BMPR1B: variants seen among roughly 807,000 people sequenced by gnomAD.
The protein encoded by BMPR1B is bone morphogenetic protein receptor type-1B.
A neutral mutation model predicts 59.1 loss-of-function variants in BMPR1B; 12 were observed. The observed-to-expected ratio is 0.20, with a 90% CI of 0.13 to 0.33. The LOEUF (loss-of-function observed/expected upper bound fraction) is 0.33, where lower values mean the gene tolerates loss of function less well. Ranked by LOEUF, BMPR1B falls within the 10% of genes least tolerant of loss-of-function variation. BMPR1B has a pLI of 1.00. For synonymous variants in BMPR1B, 237 were observed against 207.3 expected (o/e 1.14, Z -1.23); for missense variants, 550 against 610.9 (o/e 0.90, Z 1.05).
intron 1 of BMPR1B, among the ~76,000 whole-genome samples, chr4:94,776,444 A>G (rs1057036789): frequency 2.0e-5 from 3 of 152,226 alleles, no homozygotes; most frequent in African/African-American, 7.2e-5. Context: ...GATTAATTCT[A>G]AGTTAATTTT....
chr4:95,002,612 A>G (rs936278094), intron 3 of BMPR1B, among the ~76,000 whole-genome samples: 1 of 152,212 alleles, frequency 6.6e-6, no homozygotes, highest in Non-Finnish European at 1.5e-5. Context: ...AAGCAATGAA[A>G]GAATTTTTGA....
intron 1 of BMPR1B, among the ~76,000 whole-genome samples, chr4:94,838,930 A>T (rs1375277368): frequency 2.1e-5 from 3 of 139,850 alleles, no homozygotes; most frequent in Non-Finnish European, 4.7e-5. Context: ...CACTGCTTTG[A>T]ATGCGTCCCA....
chr4:95,033,762 C>T (rs368815252), intron 3 of BMPR1B, among the ~76,000 whole-genome samples: 32 of 151,944 alleles, frequency 2.1e-4, no homozygotes, highest in African/African-American at 7.3e-4. Context: ...AAGATACCTG[C>T]AATGTTTTGT....
intron 2 of BMPR1B, among the ~76,000 whole-genome samples, chr4:94,938,491 T>A (rs1450850420): frequency 2.0e-5 from 3 of 151,426 alleles, no homozygotes; most frequent in African/African-American, 7.3e-5. Flanking sequence ...CGAGACTGTG[T>A]CTAAAAAAAA....
At chr4:95,086,722 C>T (rs937959443) in intron 3 of BMPR1B, among the ~76,000 whole-genome samples, 1 of 152,110 alleles carries the variant, frequency 6.6e-6, no homozygotes, top group African/African-American at 2.4e-5. Context: ...GTGTAATATT[C>T]CTTCAGGGAG....
intron 3 of BMPR1B, among the ~76,000 whole-genome samples, chr4:95,003,998 G>C (rs1045656865): frequency 6.6e-6 from 1 of 151,542 alleles, no homozygotes; most frequent in African/African-American, 2.4e-5. Context: ...AGTAGAGATA[G>C]GGTTTCACTA....
At chr4:95,082,577 T>C (rs1286420417) in intron 3 of BMPR1B, among the ~76,000 whole-genome samples, 1 of 152,076 alleles carries the variant, frequency 6.6e-6, no homozygotes, top group Non-Finnish European at 1.5e-5. Context: ...CTCCATAAAG[T>C]GTAAGTATTG....
At chr4:95,037,976 G>A (rs1479393094) in intron 3 of BMPR1B, among the ~76,000 whole-genome samples, 24 of 152,118 alleles carry the variant, frequency 1.6e-4, no homozygotes, top group Admixed American at 1.6e-3. Context: ...AGCAAATTAT[G>A]TAGTAGTTAG....
chr4:95,149,097 A>G (rs960843580), intron 11 of BMPR1B, among the ~76,000 whole-genome samples, 174 bp downstream of exon 11: 10 of 152,336 alleles, frequency 6.6e-5, no homozygotes, highest in Middle Eastern at 6.8e-3. Context: ...ATCCTAGAAT[A>G]ATCTTTGACT....
At chr4:95,111,454 C>T (rs894023574) in intron 4 of BMPR1B, among the ~76,000 whole-genome samples, 1 of 152,032 alleles carries the variant, frequency 6.6e-6, no homozygotes, top group African/African-American at 2.4e-5. Context: ...AATAAAGATG[C>T]TATCAGTGCA....
At chr4:95,095,700 T>C (rs551528761) in intron 3 of BMPR1B, among the ~76,000 whole-genome samples, 102 of 152,214 alleles carry the variant, frequency 6.7e-4, no homozygotes, top group African/African-American at 2.0e-3. Flanking sequence ...CACTTTTTAA[T>C]GAATTTTAAA....
chr4:94,823,320 G>A (rs1183777239), intron 1 of BMPR1B, among the ~76,000 whole-genome samples: 1 of 152,208 alleles, frequency 6.6e-6, no homozygotes, highest in Non-Finnish European at 1.5e-5. Context: ...TGAGGGGTCA[G>A]TGGGAGAACG....
At chr4:95,040,038 C>T (rs1444248731) in intron 3 of BMPR1B, among the ~76,000 whole-genome samples, 1 of 152,160 alleles carries the variant, frequency 6.6e-6, no homozygotes, top group Non-Finnish European at 1.5e-5. Context: ...TTAGTAACAG[C>T]TAAGTCTACT....
chr4:94,803,500 AT>A (rs1268470118), intron 1 of BMPR1B, among the ~76,000 whole-genome samples: 2 of 152,154 alleles, frequency 1.3e-5, no homozygotes, highest in African/African-American at 4.8e-5. Context: ...GTGTCTACTT[AT>A]GTTTCTTTCC....
At chr4:94,789,115 A>G (rs781381917) in intron 1 of BMPR1B, among the ~76,000 whole-genome samples, 2 of 152,198 alleles carry the variant, frequency 1.3e-5, no homozygotes, top group Admixed American at 6.5e-5. Context: ...TGGAAGTAAG[A>G]GGAGGTTAAC....
intron 1 of BMPR1B, among the ~76,000 whole-genome samples, chr4:94,812,710 C>T (rs191237494): frequency 2.8e-4 from 43 of 152,028 alleles, no homozygotes; most frequent in African/African-American, 8.7e-4. Context: ...AGGGGGAGCA[C>T]GGAATGGACA....
At chr4:94,771,926 TAC>T (rs1367278064) in intron 1 of BMPR1B, among the ~76,000 whole-genome samples, 1 of 152,196 alleles carries the variant, frequency 6.6e-6, no homozygotes, top group African/African-American at 2.4e-5. Flanking sequence ...CACTGTGACA[TAC>T]ACTCATTGTA....
chr4:95,068,217 A>G (rs1478576642), intron 3 of BMPR1B, among the ~76,000 whole-genome samples: 1 of 152,064 alleles, frequency 6.6e-6, no homozygotes, highest in Non-Finnish European at 1.5e-5. Context: ...AAGAAAAGTA[A>G]CATAATCGTA....
intron 1 of BMPR1B, among the ~76,000 whole-genome samples, chr4:94,832,967 T>A (rs1724662129): frequency 6.6e-6 from 1 of 151,768 alleles, no homozygotes; most frequent in Admixed American, 6.6e-5. Context: ...GGCGGGGGGA[T>A]CCCTTGAGGT....
Sources: allele counts gnomAD v4.1 joint callset (sites outside exome capture counted in the v4.1 genomes callset), GRCh38; gene constraint gnomAD v4.1.1; transcripts MANE v1.5; gene names NCBI Gene and HGNC (gene_info 2026-07-23, HGNC 2026-07-21).